Variants in STX8 observed in about 807,000 individuals in gnomAD.
STX8 encodes the protein syntaxin-8.
In STX8, 23 loss-of-function variants were observed where a neutral mutation model predicts 37.5. The observed-to-expected ratio is 0.61, with a 90% CI of 0.44 to 0.87. STX8 has a LOEUF of 0.87. Ranked by LOEUF, STX8 falls within the 40% of genes least tolerant of loss-of-function variation. STX8 has a pLI of 0.00. For synonymous variants in STX8, 115 were observed against 99.1 expected (o/e 1.16, Z -0.95); for missense variants, 313 against 284.7 (o/e 1.10, Z -0.71).
chr17:9,429,150 C>A (rs2100168767), intron 6 of STX8, among the ~76,000 whole-genome samples: 1 of 151,484 alleles, frequency 6.6e-6, no homozygotes, highest in Non-Finnish European at 1.5e-5. Context: ...AGACATAATT[C>A]ACCTGCCACA....
chr17:9,282,880 G>C (rs1907939142), intron 7 of STX8, among the ~76,000 whole-genome samples: 1 of 150,558 alleles, frequency 6.6e-6, no homozygotes, highest in Non-Finnish European at 1.5e-5. Flanking sequence ...CTTGAAATGA[G>C]ACAGTCACTT....
chr17:9,457,558 C>G (rs1012257114), intron 6 of STX8, among the ~76,000 whole-genome samples: 1 of 152,238 alleles, frequency 6.6e-6, no homozygotes, highest in Non-Finnish European at 1.5e-5. Context: ...TCTCTGGCCA[C>G]GTAAAGTAAC....
At chr17:9,442,465 T>G (rs1008463930) in intron 6 of STX8, among the ~76,000 whole-genome samples, 6 of 152,158 alleles carry the variant, frequency 3.9e-5, no homozygotes, top group African/African-American at 1.4e-4. Context: ...TGTTGCAGTC[T>G]CAGTGATCTC....
intron 7 of STX8, among the ~76,000 whole-genome samples, chr17:9,325,598 G>A (rs1385776533): frequency 3.3e-5 from 5 of 152,226 alleles, no homozygotes; most frequent in African/African-American, 1.2e-4. Context: ...TTCATTTTGC[G>A]ATGGGCTGCG....
chr17:9,418,846 G>A (rs535884046), intron 6 of STX8, among the ~76,000 whole-genome samples: 157 of 145,890 alleles, frequency 1.1e-3, no homozygotes, highest in African/African-American at 3.4e-3. Flanking sequence ...AAAAGGGGGG[G>A]GGGAAGGGGG....
intron 5 of STX8, among the ~76,000 whole-genome samples, chr17:9,499,255 G>T (rs1167118444): frequency 2.0e-5 from 3 of 152,108 alleles, no homozygotes; most frequent in Admixed American, 2.0e-4. Flanking sequence ...ACCTGGCAAG[G>T]ACGCAAACAA....
At chr17:9,339,355 G>T (rs1910252261) in intron 7 of STX8, among the ~76,000 whole-genome samples, 1 of 152,026 alleles carries the variant, frequency 6.6e-6, no homozygotes, top group South Asian at 2.1e-4. Context: ...ATTAACTCCA[G>T]TATAAAAGGA....
chr17:9,548,655 G>A (rs1906646144), intron 3 of STX8: 2 of 152,102 alleles, frequency 1.3e-5, no homozygotes, highest in African/African-American at 2.4e-5. Context: ...GAATAGGAAA[G>A]CTGTTTAGGG....
intron 7 of STX8, among the ~76,000 whole-genome samples, chr17:9,374,628 T>A (rs1446146302): frequency 6.6e-6 from 1 of 152,114 alleles, no homozygotes; most frequent in African/African-American, 2.4e-5. Flanking sequence ...AATGCAAAAA[T>A]TGTCCTGTAA....
chr17:9,491,986 T>C (rs1448282212), intron 5 of STX8, 65 bp from the exon 6 acceptor site: 20 of 1,117,522 alleles, frequency 1.8e-5, no homozygotes, highest in Non-Finnish European at 2.5e-5. Context: ...TCCATAAGTA[T>C]ACCCAGGCAT....
At chr17:9,260,073 AAAAG>A (rs1567757848) in intron 7 of STX8, among the ~76,000 whole-genome samples, 1 of 152,078 alleles carries the variant, frequency 6.6e-6, no homozygotes, top group Non-Finnish European at 1.5e-5. Flanking sequence ...TTAAAAAAGA[AAAAG>A]AATAATATTA....
chr17:9,279,150 C>A (rs1364006849), intron 7 of STX8, among the ~76,000 whole-genome samples: 1 of 151,718 alleles, frequency 6.6e-6, no homozygotes, highest in Non-Finnish European at 1.5e-5. Context: ...TGCAACCTCC[C>A]GGGTTCAAGC....
chr17:9,314,147 C>T (rs1056899704), intron 7 of STX8, among the ~76,000 whole-genome samples: 1 of 152,190 alleles, frequency 6.6e-6, no homozygotes, highest in African/African-American at 2.4e-5. Flanking sequence ...AGTGTAACTC[C>T]TTGCTCTCTA....
At chr17:9,529,370 CAT>C (rs777427316) in intron 4 of STX8, among the ~76,000 whole-genome samples, 5 of 152,178 alleles carry the variant, frequency 3.3e-5, no homozygotes, top group Non-Finnish European at 7.3e-5. Flanking sequence ...TATCTACTCA[CAT>C]GTGTAATACA....
At chr17:9,478,759 G>C (rs1906199464) in intron 6 of STX8, among the ~76,000 whole-genome samples, 1 of 152,048 alleles carries the variant, frequency 6.6e-6, no homozygotes, top group Non-Finnish European at 1.5e-5. Context: ...GAAATATAAA[G>C]CCTTTTGATT....
chr17:9,546,387 TA>T lies in STX8; in HGVS notation c.213-1106del, dbSNP rs56901611. 1.1e-3 allele frequency among the ~76,000 whole-genome samples: 164 copies of T among 146,412 alleles called. 1 individual carries two copies. Among genetic ancestry groups the T allele is most frequent in the South Asian group, 6.4e-4 (3 of 4,658 alleles). On this transcript the variant is annotated intron_variant, in intron 3 of 7. Coordinates refer to ENST00000306357, the MANE Select transcript of STX8 (RefSeq NM_004853.3). ...TCCACAACAATTCATAAGTGATGGT[TA>T]AAAAAAAAAAACCAAACAACCATCC...
At chr17:9,414,032 A>T in intron 6 of STX8, among the ~76,000 whole-genome samples, 1 of 135,756 alleles carries the variant, frequency 7.4e-6, no homozygotes, top group East Asian at 2.4e-4. Flanking sequence ...CCATCCATCC[A>T]ACCATCTATC....
chr17:9,288,799 G>A (rs958602448), intron 7 of STX8, among the ~76,000 whole-genome samples: 2 of 151,830 alleles, frequency 1.3e-5, no homozygotes, highest in Non-Finnish European at 2.9e-5. Context: ...GGAAATTCAA[G>A]GATTAAACTA....
At chr17:9,416,095 G>A (rs868614149) in intron 6 of STX8, among the ~76,000 whole-genome samples, 2 of 152,138 alleles carry the variant, frequency 1.3e-5, no homozygotes, top group African/African-American at 2.4e-5. Context: ...CCAGAGCTGT[G>A]CTGACGTGAA....
Sources: allele counts gnomAD v4.1 joint callset (sites outside exome capture counted in the v4.1 genomes callset), GRCh38; gene constraint gnomAD v4.1.1; transcripts MANE v1.5; gene names NCBI Gene and HGNC (gene_info 2026-07-23, HGNC 2026-07-21).